The following CD247 variants were observed in gnomAD, a reference collection of about 807,000 sequenced individuals.
CD247 encodes T-cell surface glycoprotein CD3 zeta chain.
CD247 carries 13 observed loss-of-function variants against 30.0 expected under a neutral mutation model. The observed-to-expected ratio is 0.43, with a 90% confidence interval of 0.28 to 0.69. CD247 has a LOEUF of 0.69. CD247 is among the 30% of genes least tolerant of loss of function. The probability of loss-of-function intolerance (pLI) is 0.16; values close to 1 mark genes in which losing one functional copy is unlikely to be tolerated. For missense variants in CD247, 193 were observed against 212.6 expected (o/e 0.91, Z 0.57); for synonymous variants, 72 against 80.0 (o/e 0.90, Z 0.53).
chr1:167,496,303 AGT>A (rs141045846), intron 1 of CD247, among the ~76,000 whole-genome samples: 4,169 of 152,266 alleles, frequency 0.027, 84 homozygotes, highest in Non-Finnish European at 0.036. Flanking sequence ...GAAGCTATCG[AGT>A]GTGAGTTCTG....
rs1234246762 is a variant in CD247 at position 167,431,355 on chromosome 1, G to A, written c.*326C>T. ...CTTTCTCTGGGGACTTTACAAAACA[G>A]ACTCAACAACTCAGCTGTGAGAGGC... On this transcript the variant is annotated 3_prime_UTR_variant, in exon 8 of 8. Transcript: ENST00000362089. 2 of 596,156 alleles carry A rather than the reference G, an allele frequency of 3.4e-6. No homozygotes were observed. Among genetic ancestry groups the A allele is most frequent in the South Asian group, 2.1e-5 (1 of 47,462 alleles). 36.9% of individuals were successfully genotyped at this position (596,156 alleles called of 1,614,324 possible).
At chr1:167,445,476 A>T (rs1211290383) in intron 1 of CD247, among the ~76,000 whole-genome samples, 1 of 152,042 alleles carries the variant, frequency 6.6e-6, no homozygotes, top group Non-Finnish European at 1.5e-5. Context: ...GGGTCATTGT[A>T]TCTAAGTGTT....
chr1:167,438,498 G>A (rs1172895175), intron 4 of CD247, 72 bp downstream of exon 4: 4 of 1,204,872 alleles, frequency 3.3e-6, no homozygotes, highest in Non-Finnish European at 3.7e-6. Context: ...GAGCTGAGGA[G>A]CCCTCCCCCA....
chr1:167,496,518 G>A (rs531106259), intron 1 of CD247, among the ~76,000 whole-genome samples: 1 of 152,190 alleles, frequency 6.6e-6, no homozygotes, highest in Non-Finnish European at 1.5e-5. Flanking sequence ...AGGAGGTTTT[G>A]CATCTCTCTG....
At chr1:167,441,308 G>A (rs749982775) in intron 1 of CD247, among the ~76,000 whole-genome samples, 10 of 152,164 alleles carry the variant, frequency 6.6e-5, no homozygotes, top group Non-Finnish European at 1.5e-4. Context: ...CCTCCTCAGT[G>A]CCAAGCACTC....
chr1:167,505,292 G>A (rs554628248), intron 1 of CD247, among the ~76,000 whole-genome samples: 3 of 152,054 alleles, frequency 2.0e-5, no homozygotes, highest in African/African-American at 4.8e-5. Flanking sequence ...GTTGAGATAC[G>A]GTTTACATAC....
chr1:167,453,766 G>C (rs1238728781), intron 1 of CD247, among the ~76,000 whole-genome samples: 1 of 152,156 alleles, frequency 6.6e-6, no homozygotes, highest in East Asian at 1.9e-4. Context: ...TCAGGAGTTT[G>C]AGACATAGCA....
intron 3 of CD247, 139 bp downstream of exon 3, chr1:167,439,205 G>A (rs1360393805): frequency 1.3e-6 from 1 of 769,234 alleles, no homozygotes; most frequent in Middle Eastern, 2.3e-4. Flanking sequence ...GAAAACTGAG[G>A]TTAAACAAGT....
rs182665966 is a variant in CD247, at chr1:167,460,192, A to G, written c.59-19425T>C. ...TGAGGTGGGAGGATGGCTTGAGCCC[A>G]GGGGTTTGAGACTAGCCTGGGCAAC... On this transcript the variant is annotated intron_variant, in intron 1 of 7. Coordinates refer to ENST00000362089, the MANE Select transcript of CD247 (RefSeq NM_198053.3). Among the ~76,000 whole-genome samples the G allele has an allele frequency of 1.4e-3, 213 of 152,188 alleles. 1 individual carries two copies. The highest frequency in any genetic ancestry group is 5.1e-3 in the African/African-American group (210 of 41,510).
rs561075028 is a variant in CD247, at chr1:167,513,267, T to C, written c.58+5141A>G. ...TGAAACTTTTTAATGATATGTTTTATGTTTTGATTATGATATGACTTATGT... is the reference window on the plus strand; with the variant it reads ...TGAAACTTTTTAATGATATGTTTTACGTTTTGATTATGATATGACTTATGT... On this transcript the variant is annotated intron_variant, in intron 1 of 7. Coordinates refer to ENST00000362089, the MANE Select transcript of CD247 (RefSeq NM_198053.3). Among the ~76,000 whole-genome samples, 133 of 152,282 alleles carry C rather than the reference T, an allele frequency of 8.7e-4. 1 individual carries two copies. Among genetic ancestry groups the C allele is most frequent in the African/African-American group, 3.1e-3 (127 of 41,566 alleles).
chr1:167,439,689 A>G (rs1285040124), intron 2 of CD247: 3 of 489,194 alleles, frequency 6.1e-6, no homozygotes, highest in South Asian at 2.2e-5. Context: ...GCGTGCGCAG[A>G]GGTATAAGGT....
intron 1 of CD247, among the ~76,000 whole-genome samples, chr1:167,451,150 G>A (rs934818160): frequency 1.3e-4 from 20 of 151,982 alleles, no homozygotes; most frequent in South Asian, 6.3e-4. Context: ...CATGAATGAG[G>A]GGAAGTTCTA....
At chr1:167,483,456 T>C (rs1019735293) in intron 1 of CD247, among the ~76,000 whole-genome samples, 2 of 152,130 alleles carry the variant, frequency 1.3e-5, no homozygotes, top group Non-Finnish European at 2.9e-5. Context: ...TTGAAGATTC[T>C]GATATTTTGT....
In CD247 at chr1:167,431,520, T is replaced by C. The variant is rs986487659; in HGVS notation, c.*161A>G. ...TAAAGAGTGCAGGGACAACAGTCTG[T>C]GTGTGAAGGTTTGGAGCTAAATATA... On this transcript the variant is annotated 3_prime_UTR_variant, in exon 8 of 8. Transcript: ENST00000362089. The C allele has an allele frequency of 5.4e-6, 4 of 737,038 alleles. No individual in the cohort carries two copies. The highest frequency in any genetic ancestry group is 3.0e-5 in the South Asian group (2 of 67,300). The allele number at this position is 737,038 out of a possible 1,614,324, so 45.7% of individuals were successfully genotyped here. A position where few individuals can be genotyped will look rare whatever the true frequency, so the allele number is the denominator to read the frequency against.
rs141922971 is a variant in CD247 at position 167,506,718 on chromosome 1, C to T, written c.58+11690G>A. On this transcript the variant is annotated intron_variant, in intron 1 of 7. Coordinates refer to ENST00000362089, the MANE Select transcript of CD247 (RefSeq NM_198053.3). ...GTAGCTACACTTTACATGAGAGATGCATTCCTAAAGACTTTGCAAAATTCT... is the reference window on the plus strand; with the variant it reads ...GTAGCTACACTTTACATGAGAGATGTATTCCTAAAGACTTTGCAAAATTCT... Among the ~76,000 whole-genome samples, 483 of 152,180 alleles carry T rather than the reference C, an allele frequency of 3.2e-3. 1 individual carries two copies. Among genetic ancestry groups the T allele is most frequent in the African/African-American group, 0.011 (460 of 41,498 alleles).
intron 1 of CD247, among the ~76,000 whole-genome samples, chr1:167,513,386 G>T (rs1243069312): frequency 1.3e-5 from 2 of 152,086 alleles, no homozygotes; most frequent in Non-Finnish European, 2.9e-5. Flanking sequence ...ATATTATTGG[G>T]CTGGCTTGGT....
chr1:167,461,030 C>A (rs895704903), intron 1 of CD247, among the ~76,000 whole-genome samples: 1 of 152,244 alleles, frequency 6.6e-6, no homozygotes, highest in Non-Finnish European at 1.5e-5. Flanking sequence ...CTATGACGTA[C>A]TTTGCGTGGA....
At position 167,449,999 on chromosome 1, in the gene CD247, A is replaced by G. The variant is rs143080030; in HGVS notation, c.59-9232T>C. On this transcript the variant is annotated intron_variant, in intron 1 of 7. Coordinates refer to ENST00000362089, the MANE Select transcript of CD247 (RefSeq NM_198053.3). ...ATAATCTAAGACTTCATGTTATTTC[A>G]TATATTCATATTTCATGTTACTTTG... is the stretch of plus-strand genomic sequence containing the variant. 3.0e-4 allele frequency among the ~76,000 whole-genome samples: 46 copies of G among 152,232 alleles called. No homozygotes were observed. The East Asian group carries it at 8.5e-3, about 28-fold the overall frequency.
At chr1:167,465,597 C>T (rs1653211595) in intron 1 of CD247, among the ~76,000 whole-genome samples, 1 of 152,126 alleles carries the variant, frequency 6.6e-6, no homozygotes, top group Admixed American at 6.5e-5. Flanking sequence ...TCCAAAAGTT[C>T]TGGTATTACA....
Sources: allele counts gnomAD v4.1 joint callset (sites outside exome capture counted in the v4.1 genomes callset), GRCh38; gene constraint gnomAD v4.1.1; transcripts MANE v1.5; gene names NCBI Gene and HGNC (gene_info 2026-07-23, HGNC 2026-07-21).